Variants in GPHN observed in about 807,000 individuals in gnomAD.
GPHN encodes the protein gephyrin.
In GPHN, 17 loss-of-function variants were observed where a neutral mutation model predicts 95.5. That is an observed-to-expected ratio of 0.18 (90% CI 0.12 to 0.27). The LOEUF is 0.27. Ranked by LOEUF, GPHN falls within the 10% of genes least tolerant of loss-of-function variation. The pLI is 1.00. For synonymous variants in GPHN, 320 were observed against 322.5 expected, an observed-to-expected ratio of 0.99 and a Z score of 0.08; for missense variants, 660 against 978.1, an observed-to-expected ratio of 0.67 and a Z score of 4.34.
intron 10 of GPHN, among the ~76,000 whole-genome samples, chr14:67,051,332 G>A (rs2075297736): frequency 1.3e-5 from 2 of 152,146 alleles, no homozygotes; most frequent in Admixed American, 6.5e-5. Context: ...ATCAATAGCT[G>A]GATAGACCAA....
At chr14:67,685,030 C>G in the GPHN span, 1 of 1,609,230 alleles carries the variant, frequency 6.2e-7, no homozygotes, top group Non-Finnish European at 8.5e-7. Flanking sequence ...ATGATTCCCA[C>G]TTAGAATCTC....
intron 1 of GPHN, among the ~76,000 whole-genome samples, chr14:66,613,832 T>C (rs1423472154): frequency 1.3e-5 from 2 of 152,146 alleles, no homozygotes; most frequent in Non-Finnish European, 2.9e-5. Context: ...GCCAAGCCTT[T>C]TTCTAATTGT....
chr14:67,532,937 C>T, the GPHN span, among the ~76,000 whole-genome samples: 1 of 151,988 alleles, frequency 6.6e-6, no homozygotes. Context: ...TCTGGCCACC[C>T]CTTGCGGCAG....
chr14:67,352,980 C>A, the GPHN span: 2 of 1,613,874 alleles, frequency 1.2e-6, no homozygotes, highest in Non-Finnish European at 1.7e-6. Flanking sequence ...CAGATTTTTT[C>A]TTCAGGAGGT....
At chr14:67,131,543 A>T (rs1052472613) in intron 17 of GPHN, among the ~76,000 whole-genome samples, 1 of 152,290 alleles carries the variant, frequency 6.6e-6, no homozygotes, top group South Asian at 2.1e-4. Flanking sequence ...AGCAGGCCAG[A>T]AAGTATGGTA....
chr14:67,057,779 A>G (rs2075664324), intron 10 of GPHN, among the ~76,000 whole-genome samples: 1 of 151,608 alleles, frequency 6.6e-6, no homozygotes, highest in Non-Finnish European at 1.5e-5. Context: ...GATATATTTT[A>G]CTGTCAGTAT....
At chr14:67,241,976 T>A in the GPHN span, 1 of 152,216 alleles carries the variant, frequency 6.6e-6, no homozygotes. Flanking sequence ...TCTGCCTGAC[T>A]CAGCTGCTGG....
intron 1 of GPHN, among the ~76,000 whole-genome samples, chr14:66,532,240 G>A (rs1156657666): frequency 6.6e-6 from 1 of 152,142 alleles, no homozygotes; most frequent in Non-Finnish European, 1.5e-5. Context: ...GCTTCCGGTG[G>A]CATTTGTTGG....
the GPHN span, among the ~76,000 whole-genome samples, chr14:67,401,413 G>T: frequency 1.3e-5 from 2 of 152,204 alleles, no homozygotes; most frequent in African/African-American, 4.8e-5. Context: ...TTGGGAGGCT[G>T]AGGTGGGAGG....
the GPHN span, chr14:67,646,996 GGAAC>G: frequency 3.1e-6 from 5 of 1,612,574 alleles, no homozygotes; most frequent in Non-Finnish European, 4.2e-6. Flanking sequence ...AGAAGGTCAT[GGAAC>G]GAACATTTGA....
the GPHN span, among the ~76,000 whole-genome samples, chr14:67,425,429 G>A: frequency 6.6e-6 from 1 of 151,938 alleles, no homozygotes; most frequent in Non-Finnish European, 1.5e-5. Context: ...TATAGTCCCA[G>A]CTACTCCAGA....
intron 17 of GPHN, 65 bp downstream of exon 17, chr14:67,122,442 T>C: frequency 7.3e-7 from 1 of 1,375,362 alleles, no homozygotes; most frequent in Non-Finnish European, 1.0e-6. Context: ...GAATACTCAT[T>C]AGGTGGAGTT....
rs1312956629 is a variant in GPHN, at chr14:67,181,406, GT to G, written c.*472del. 4 of 490,538 alleles carry G rather than the reference GT, an allele frequency of 8.2e-6. No individual in the cohort carries two copies. Among genetic ancestry groups the G allele is most frequent in the Non-Finnish European group, 1.2e-5 (3 of 256,654 alleles). 30.4% of individuals were successfully genotyped at this position (490,538 alleles called of 1,614,324 possible). ...GCTTGTTCTTTCTCATGTATCTCGTGTTTATGTGCACAGTGCCAAAAGAAGA... is the reference window on the plus strand; with the variant it reads ...GCTTGTTCTTTCTCATGTATCTCGTGTTATGTGCACAGTGCCAAAAGAAGA... On this transcript the variant is annotated 3_prime_UTR_variant, in exon 23 of 23. Coordinates refer to ENST00000478722, the MANE Select transcript of GPHN (RefSeq NM_020806.5).
the GPHN span, among the ~76,000 whole-genome samples, chr14:67,514,695 GCCT>G: frequency 6.6e-6 from 1 of 151,984 alleles, no homozygotes; most frequent in Non-Finnish European, 1.5e-5. Flanking sequence ...TGCTGAGGTG[GCCT>G]CCTGGGTGCT....
intron 3 of GPHN, among the ~76,000 whole-genome samples, chr14:66,808,600 C>A (rs1156435417): frequency 6.6e-6 from 1 of 152,120 alleles, no homozygotes; most frequent in East Asian, 1.9e-4. Context: ...AGTTTTAGAC[C>A]AGCCTGACCA....
chr14:66,721,361 G>A (rs1043018743), intron 2 of GPHN, among the ~76,000 whole-genome samples: 1 of 152,060 alleles, frequency 6.6e-6, no homozygotes, highest in African/African-American at 2.4e-5. Context: ...CATAATAATT[G>A]GAATTGTGAC....
intron 1 of GPHN, among the ~76,000 whole-genome samples, chr14:66,598,575 G>A (rs118033519): frequency 0.039 from 5,889 of 152,204 alleles, 171 homozygotes; most frequent in Middle Eastern, 0.065. Flanking sequence ...GGCTGGGTGC[G>A]GTGGCTCATG....
intron 9 of GPHN, among the ~76,000 whole-genome samples, chr14:67,008,228 C>T (rs763407330): frequency 5.3e-5 from 8 of 151,984 alleles, no homozygotes; most frequent in South Asian, 2.1e-4. Context: ...CCAAGGCGGG[C>T]GGATCACGAG....
chr14:67,577,325 A>G, the GPHN span: 5 of 1,575,618 alleles, frequency 3.2e-6, no homozygotes, highest in Non-Finnish European at 4.3e-6. Flanking sequence ...GAGGCACCCC[A>G]TGCTGTGCTA....
Sources: allele counts gnomAD v4.1 joint callset (sites outside exome capture counted in the v4.1 genomes callset), GRCh38; gene constraint gnomAD v4.1.1; transcripts MANE v1.5; gene names NCBI Gene and HGNC (gene_info 2026-07-23, HGNC 2026-07-21).